Variants in PPARGC1B observed in about 807,000 individuals in gnomAD.
The protein encoded by PPARGC1B is peroxisome proliferator-activated receptor gamma coactivator 1-beta.
A neutral mutation model predicts 101.6 loss-of-function variants in PPARGC1B; 34 were observed. The ratio of observed to expected loss-of-function variants is 0.33; its 90% CI spans 0.25 to 0.45. The LOEUF (loss-of-function observed/expected upper bound fraction) is 0.45, where lower values mean the gene tolerates loss of function less well. PPARGC1B is among the 20% of genes least tolerant of loss of function. The pLI, the probability that PPARGC1B is intolerant of heterozygous loss-of-function variation, is 1.00. For synonymous variants in PPARGC1B, 548 were observed against 539.3 expected, an observed-to-expected ratio of 1.02 and a Z score of -0.22; for missense variants, 1,234 against 1,317.6, an observed-to-expected ratio of 0.94 and a Z score of 0.98.
chr5:149,780,576 GTGGAGGGGTAGT>G (rs1245727800), intron 1 of PPARGC1B, among the ~76,000 whole-genome samples: 2 of 152,222 alleles, frequency 1.3e-5, no homozygotes, highest in Non-Finnish European at 2.9e-5. Context: ...GTCCTTGGCA[GTGGAGGGGTAGT>G]TGTGTGTCAG....
chr5:149,845,557 G>GT, intron 10 of PPARGC1B: 2 of 571,142 alleles, frequency 3.5e-6, no homozygotes, highest in Non-Finnish European at 6.1e-6. Flanking sequence ...GCCAACACCT[G>GT]GCAGACATTC....
intron 1 of PPARGC1B, chr5:149,761,604 G>A (rs1371991665): frequency 6.6e-6 from 1 of 152,196 alleles, no homozygotes. Flanking sequence ...AATGGATAAA[G>A]AAAATGTGGT....
At position 149,832,837 on chromosome 5, in the gene PPARGC1B, C is replaced by T. The variant is rs751196436; in HGVS notation, c.764C>T (p.Pro255Leu). Reference protein sequence around the residue: ...KEDKEPGEDCPSPQPAPASPR... With the variant: ...KEDKEPGEDCLSPQPAPASPR... ...GACAAGGAGCCGGGTGAGGACTGCCCGAGCCCCCAGCCAGCTCCAGCCTCT... is the reference window on the plus strand; with the variant it reads ...GACAAGGAGCCGGGTGAGGACTGCCTGAGCCCCCAGCCAGCTCCAGCCTCT... Residue 255 changes from proline (P) to leucine (L), a missense_variant, in exon 5 of 12, where the codon CCG (proline) becomes CTG (leucine). By Grantham distance (98) the Pro-to-Leu change is moderately conservative. Around this residue, in one of 3 missense-constraint regions of PPARGC1B, gnomAD observed 734 missense variants for 768.4 expected, o/e 0.96. Transcript: ENST00000309241. The surrounding 1 kb of genome is among the most constrained non-coding windows in gnomAD (Gnocchi z 4.9). 6.8e-6 allele frequency: 11 copies of T among 1,609,858 alleles called. No homozygotes were observed. The highest frequency in any genetic ancestry group is 3.3e-5 in the Admixed American group (2 of 59,846).
chr5:149,847,272 T>C (rs1351715411), intron 11 of PPARGC1B, 186 bp from the exon 12 acceptor site: 1 of 726,324 alleles, frequency 1.4e-6, no homozygotes, highest in South Asian at 1.5e-5. Flanking sequence ...ACTGATACCA[T>C]GGCCAAGATG....
chr5:149,847,160 G>T (rs1315890730), intron 11 of PPARGC1B: 7 of 516,098 alleles, frequency 1.4e-5, no homozygotes, highest in Non-Finnish European at 2.5e-5. Flanking sequence ...ACGAGAAGCT[G>T]TTGGGGGAAG....
chr5:149,824,744 C>A (rs1324269001), intron 2 of PPARGC1B, among the ~76,000 whole-genome samples: 4 of 152,122 alleles, frequency 2.6e-5, no homozygotes, highest in Non-Finnish European at 4.4e-5. Flanking sequence ...AGCCAATGAG[C>A]CCGCTTGCAT....
chr5:149,757,223 C>A (rs1213884318), intron 1 of PPARGC1B, among the ~76,000 whole-genome samples: 1 of 152,122 alleles, frequency 6.6e-6, no homozygotes, highest in African/African-American at 2.4e-5. Context: ...GTATTCCAGG[C>A]AGTGAGAAAA....
At chr5:149,825,280 GA>G (rs1391635078) in intron 2 of PPARGC1B, among the ~76,000 whole-genome samples, 2 of 152,238 alleles carry the variant, frequency 1.3e-5, no homozygotes, top group African/African-American at 2.4e-5. Flanking sequence ...TTTGCTATGT[GA>G]CCCCTGACAA....
chr5:149,730,995 G>A lies in PPARGC1B; in HGVS notation c.78+575G>A, dbSNP rs1434151915. On this transcript the variant is annotated intron_variant, in intron 1 of 11. Transcript: ENST00000309241. The surrounding 1 kb of genome is among the most constrained non-coding windows in gnomAD (Gnocchi z 4.0). Reference sequence around the variant, plus strand: ...AAGGGTCTGCGGGGCACGTGGACATGCGGGCGGAGACAGCGTCTTCCTGGT... The same window carrying A: ...AAGGGTCTGCGGGGCACGTGGACATACGGGCGGAGACAGCGTCTTCCTGGT... 6.6e-6 allele frequency among the ~76,000 whole-genome samples: 1 copy of A among 152,256 alleles called. No homozygotes were observed. The highest frequency in any genetic ancestry group is 1.5e-5 in the Non-Finnish European group (1 of 68,054).
chr5:149,754,819 T>TC (rs1452038563), intron 1 of PPARGC1B, among the ~76,000 whole-genome samples: 1 of 133,520 alleles, frequency 7.5e-6, no homozygotes, highest in East Asian at 2.2e-4. Flanking sequence ...TCTTGCTCTG[T>TC]CACCCAGGCT....
chr5:149,807,335 C>T (rs1757638658), intron 1 of PPARGC1B, among the ~76,000 whole-genome samples: 1 of 151,990 alleles, frequency 6.6e-6, no homozygotes, highest in African/African-American at 2.4e-5. Flanking sequence ...CTAGGCACAT[C>T]TGAATTTTGA....
rs957256885 is a variant in PPARGC1B, at chr5:149,837,364, A to G, written c.2618+291A>G. Among the ~76,000 whole-genome samples, 4 of 152,268 alleles carry G rather than the reference A, an allele frequency of 2.6e-5. No homozygotes were observed. The highest frequency in any genetic ancestry group is 2.9e-5 in the Non-Finnish European group (2 of 68,044). ...CCTGGCTATTTGTGGGCTTACGTCTATAAAGGAACTTGTCCCTTATCCATT... is the reference window on the plus strand; with the variant it reads ...CCTGGCTATTTGTGGGCTTACGTCTGTAAAGGAACTTGTCCCTTATCCATT... On this transcript the variant is annotated intron_variant, in intron 8 of 11. Coordinates refer to ENST00000309241, the MANE Select transcript of PPARGC1B (RefSeq NM_133263.4). The surrounding 1 kb of genome is among the most constrained non-coding windows in gnomAD (Gnocchi z 4.2).
In PPARGC1B at chr5:149,809,440, CATAG is replaced by C. The variant is rs200668984; in HGVS notation, c.79-10970_79-10967del. On this transcript the variant is annotated intron_variant, in intron 1 of 11. Coordinates refer to ENST00000309241, the MANE Select transcript of PPARGC1B (RefSeq NM_133263.4). Reference sequence around the variant, plus strand: ...GATAGATAGATAGATCCATCTCTACCATAGATAGATAGATAGATAGATAGATCCA... The same window carrying C: ...GATAGATAGATAGATCCATCTCTACCATAGATAGATAGATAGATAGATCCA... Among the ~76,000 whole-genome samples the C allele has an allele frequency of 5.4e-3, 449 of 82,906 alleles. 26 individuals carry two copies. Among genetic ancestry groups the C allele is most frequent in the Middle Eastern group, 0.016 (2 of 124 alleles). 54.4% of individuals were successfully genotyped at this position (82,906 alleles called of 152,430 possible).
At chr5:149,731,674 T>C (rs1196077724) in intron 1 of PPARGC1B, among the ~76,000 whole-genome samples, 2 of 143,690 alleles carry the variant, frequency 1.4e-5, no homozygotes, top group Admixed American at 6.8e-5. Context: ...TGTTATAATC[T>C]GCCTGTCTTT....
chr5:149,741,652 G>C lies in PPARGC1B; in HGVS notation c.78+11232G>C, dbSNP rs560601007. Among the ~76,000 whole-genome samples the C allele has an allele frequency of 2.6e-3, 373 of 145,910 alleles. 2 individuals are homozygous for C. The highest frequency in any genetic ancestry group is 8.6e-3 in the African/African-American group (338 of 39,356). ...TTTTTTTTTTTTTTTTCGTGAGACA[G>C]AGTCTTACCCTGTTGCCCAGGCTGG... On this transcript the variant is annotated intron_variant, in intron 1 of 11. Transcript: ENST00000309241.
chr5:149,819,628 A>C (rs545482614), intron 1 of PPARGC1B, among the ~76,000 whole-genome samples: 7 of 152,180 alleles, frequency 4.6e-5, no homozygotes, highest in Middle Eastern at 3.4e-3. Flanking sequence ...TCAGTCTCCC[A>C]AGTTACTGAG....
Position 149,837,020 on chromosome 5 carries a change from C to G in PPARGC1B, c.2565C>G (p.Ser855Arg). The change falls in exon 8 of 12, where the codon AGC becomes AGG. Residue 855 changes from serine to arginine, a missense_variant. Transcript: ENST00000309241. This position sits in a 1 kb window ranked among gnomAD's most constrained non-coding sequence, Gnocchi z 4.2. ...NRQLCSRSRS[S>R]SGSSPCHSWS... ...AGCTCTGTTCCCGCAGCCGCTCAAG[C>G]TCTGGCTCTTCACCCTGCCACTCCT... The G allele has an allele frequency of 6.2e-7, 1 of 1,613,826 alleles. No individual in the cohort carries two copies. The highest frequency in any genetic ancestry group is 1.7e-5 in the Admixed American group (1 of 60,026).
chr5:149,742,516 CTG>C (rs1754947742), intron 1 of PPARGC1B, among the ~76,000 whole-genome samples: 1 of 152,222 alleles, frequency 6.6e-6, no homozygotes, highest in African/African-American at 2.4e-5. Flanking sequence ...AGAGCTCTGA[CTG>C]TGCTGAGGAG....
At chr5:149,764,860 T>G (rs551761152) in intron 1 of PPARGC1B, among the ~76,000 whole-genome samples, 1 of 152,236 alleles carries the variant, frequency 6.6e-6, no homozygotes, top group African/African-American at 2.4e-5. Context: ...AAGACCTGGC[T>G]GGATGAATGA....
Sources: gnomAD v4.1 joint callset for allele counts (sites outside exome capture counted in the v4.1 genomes callset) on GRCh38, gnomAD v4.1.1 for gene constraint, gnomAD v4.1.1 regional missense constraint, Gnocchi (gnomAD v3.1) non-coding constraint, MANE v1.5 for transcripts, NCBI Gene and HGNC (gene_info 2026-07-23, HGNC 2026-07-21) for gene names.